GATC: variants seen among roughly 807,000 people sequenced by gnomAD.
GATC encodes glutamyl-tRNA amidotransferase subunit C.
A neutral mutation model predicts 14.4 loss-of-function variants in GATC; 11 were observed. The ratio of observed to expected loss-of-function variants is 0.77; its 90% CI spans 0.48 to 1.27. The LOEUF is 1.27. Among genes scored for constraint, GATC ranks in the 50% most tolerant of loss-of-function variants. The pLI is 0.00. For synonymous variants in GATC, 76 were observed against 79.3 expected (o/e 0.96, Z 0.22); for missense variants, 204 against 183.0 (o/e 1.11, Z -0.66).
intron 2 of GATC, among the ~76,000 whole-genome samples, chr12:120,451,741 C>CAAAA (rs565772661): frequency 1.3e-5 from 2 of 150,914 alleles, no homozygotes; most frequent in African/African-American, 4.9e-5. Flanking sequence ...GACTCCATCT[C>CAAAA]AAAAAAACAA....
In GATC at chr12:120,462,067, G is replaced by A; in HGVS notation, c.*2108G>A. 1.2e-6 allele frequency: 2 copies of A among 1,612,076 alleles called. No individual in the cohort carries two copies. The highest frequency in any genetic ancestry group is 1.7e-6 in the Non-Finnish European group (2 of 1,179,892). On this transcript the variant is annotated 3_prime_UTR_variant, in exon 4 of 4. Transcript: ENST00000551765. ...AGTAGTGTGGGGAACCCCTGCTTTG[G>A]TATGGAGAGTCACGGCCCCTTGACC...
intron 3 of GATC, among the ~76,000 whole-genome samples, chr12:120,457,602 CTTTT>C (rs3999474): frequency 1.1e-4 from 11 of 103,576 alleles, no homozygotes; most frequent in Admixed American, 3.2e-4. Context: ...TAAAAGAATC[CTTTT>C]TTTTTTTTTT....
chr12:120,446,574 G>A lies in GATC; in HGVS notation c.81+13G>A, dbSNP rs780014861. 23 of 1,594,592 alleles carry A rather than the reference G, an allele frequency of 1.4e-5. No individual in the cohort carries two copies. Among genetic ancestry groups the A allele is most frequent in the Non-Finnish European group, 1.6e-5 (19 of 1,170,398 alleles). ...GGCGGATCCTCAGGTAAAGGCCAGGGCCATCTAGGCGGGTGGCGGAGCAAG... is the reference window on the plus strand; with the variant it reads ...GGCGGATCCTCAGGTAAAGGCCAGGACCATCTAGGCGGGTGGCGGAGCAAG... On this transcript the variant is annotated intron_variant, in intron 1 of 3. Coordinates refer to ENST00000551765, the MANE Select transcript of GATC (RefSeq NM_176818.3).
At chr12:120,458,947 A>T (rs967366925) in intron 3 of GATC, among the ~76,000 whole-genome samples, 2 of 152,050 alleles carry the variant, frequency 1.3e-5, no homozygotes, top group Non-Finnish European at 2.9e-5. Context: ...TGCAAGCTCC[A>T]CCTTCCACGT....
At position 120,459,385 on chromosome 12, in the gene GATC, A is replaced by T. The variant is rs1363706296; in HGVS notation, c.359-522A>T. Among the ~76,000 whole-genome samples, 12 of 152,322 alleles carry T rather than the reference A, an allele frequency of 7.9e-5. No homozygotes were observed. In the East Asian group the frequency reaches 2.1e-3, roughly 27 times the overall value. ...TAGTCCTATCTGCATATTAGTGGCTAATCAACCTGTATACTCCTTACTGAA... is the reference window on the plus strand; with the variant it reads ...TAGTCCTATCTGCATATTAGTGGCTTATCAACCTGTATACTCCTTACTGAA... On this transcript the variant is annotated intron_variant, in intron 3 of 3. Coordinates refer to ENST00000551765, the MANE Select transcript of GATC (RefSeq NM_176818.3).
intron 2 of GATC, among the ~76,000 whole-genome samples, chr12:120,454,280 T>C (rs1317031604): frequency 6.6e-6 from 1 of 152,192 alleles, no homozygotes; most frequent in African/African-American, 2.4e-5. Flanking sequence ...TGGCTCAGCA[T>C]TATCAGATCT....
chr12:120,455,934 C>T (rs1353795396), intron 2 of GATC, among the ~76,000 whole-genome samples: 1 of 152,134 alleles, frequency 6.6e-6, no homozygotes, highest in Non-Finnish European at 1.5e-5. Context: ...GATCCGCCCA[C>T]CTCGGCCTCC....
chr12:120,447,055 TG>T (rs1268014191), intron 2 of GATC, among the ~76,000 whole-genome samples: 29 of 66,436 alleles, frequency 4.4e-4, no homozygotes, highest in African/African-American at 4.1e-3. Flanking sequence ...TCACTGCCTT[TG>T]TTTTTTTTTT....
Position 120,462,097 on chromosome 12 carries a change from C to G in GATC, c.*2138C>G. The stretch of plus-strand genomic sequence containing the variant: ...GAGAGTCACGGCCCCTTGACCCAGA[C>G]CGAGACCGTGAGTAGCCATAGCTGG... On this transcript the variant is annotated 3_prime_UTR_variant, in exon 4 of 4. Coordinates refer to ENST00000551765, the MANE Select transcript of GATC (RefSeq NM_176818.3). 6.2e-7 allele frequency: 1 copy of G among 1,612,412 alleles called. No homozygotes were observed. Among genetic ancestry groups the G allele is most frequent in the Non-Finnish European group, 8.5e-7 (1 of 1,179,928 alleles).
intron 2 of GATC, among the ~76,000 whole-genome samples, chr12:120,451,152 A>C (rs1440130958): frequency 1.4e-5 from 2 of 139,970 alleles, no homozygotes; most frequent in South Asian, 2.3e-4. Context: ...TCAAAAAAAA[A>C]AAAAAAAAGG....
intron 2 of GATC, among the ~76,000 whole-genome samples, chr12:120,452,742 T>A (rs1394294104): frequency 6.6e-6 from 1 of 152,064 alleles, no homozygotes; most frequent in Non-Finnish European, 1.5e-5. Context: ...TTGCCCAGGC[T>A]GCAGTGCAGT....
At chr12:120,450,617 C>A in intron 2 of GATC, 1 of 161,326 alleles carries the variant, frequency 6.2e-6, no homozygotes, top group South Asian at 1.7e-4. Context: ...AGCCTGGTAT[C>A]AATACACATA....
At chr12:120,459,845 AC>A in intron 3 of GATC, 61 bp from the exon 4 acceptor site, 1 of 1,345,990 alleles carries the variant, frequency 7.4e-7, no homozygotes, top group Admixed American at 1.7e-5. Flanking sequence ...CAACAGCGAG[AC>A]TCTGTCTCAA....
Position 120,446,758 on chromosome 12 carries a change from C to T in GATC, c.183C>T (p.Ile61=). The change falls in exon 2 of 4, where the codon ATC becomes ATT. Residue 61 remains isoleucine, a synonymous_variant. Coordinates refer to ENST00000551765, the MANE Select transcript of GATC (RefSeq NM_176818.3). ...CAGTGGCGCGACTGGAGAAAGCTAT[C>T]GCCTTCGCCGACCGGCTACGCGCCG... ...REAVARLEKA[I]AFADRLRAVD... 2.5e-6 allele frequency: 4 copies of T among 1,614,082 alleles called. No homozygotes were observed. The highest frequency in any genetic ancestry group is 3.4e-6 in the Non-Finnish European group (4 of 1,180,042).
At position 120,446,683 on chromosome 12, in the gene GATC, G is replaced by T; in HGVS notation, c.108G>T (p.Val36=). The T allele has an allele frequency of 6.2e-7, 1 of 1,613,310 alleles. No homozygotes were observed. The highest frequency in any genetic ancestry group is 1.1e-5 in the South Asian group (1 of 91,034). ...GCAGTGGCCGGATCACGGCTGCGGTGATCGAGCACCTGGAGCGTCTAGCGC... is the reference window on the plus strand; with the variant it reads ...GCAGTGGCCGGATCACGGCTGCGGTTATCGAGCACCTGGAGCGTCTAGCGC... ...PQGSGRITAA[V]IEHLERLALV... Residue 36 remains valine, a synonymous_variant, in exon 2 of 4, where the codon GTG becomes GTT. Transcript: ENST00000551765.
In GATC at chr12:120,460,068, T is replaced by A; in HGVS notation, c.*109T>A. On this transcript the variant is annotated 3_prime_UTR_variant, in exon 4 of 4. Transcript: ENST00000551765. ...TGCTTTTTTCAGTCCCCTGAAAAAA[T>A]GGATGCTCAAGCATTTCTTAATAAC... 1.3e-6 allele frequency: 1 copy of A among 785,740 alleles called. No individual in the cohort carries two copies. Among genetic ancestry groups the A allele is most frequent in the Admixed American group, 2.4e-5 (1 of 42,476 alleles). The allele number at this position is 785,740 out of a possible 1,614,324, so 48.7% of individuals were successfully genotyped here.
At chr12:120,450,058 G>A (rs1432928523) in intron 2 of GATC, among the ~76,000 whole-genome samples, 2 of 152,116 alleles carry the variant, frequency 1.3e-5, no homozygotes, top group South Asian at 2.1e-4. Flanking sequence ...CACCATGCCC[G>A]GTCCCAGTGT....
chr12:120,454,064 G>T (rs180899076), intron 2 of GATC, among the ~76,000 whole-genome samples: 23 of 152,276 alleles, frequency 1.5e-4, no homozygotes, highest in Admixed American at 7.8e-4. Context: ...GTTGCTATTA[G>T]ATCTACTCTT....
In GATC at chr12:120,462,794, A is replaced by G. The variant is rs1052028641; in HGVS notation, c.*2835A>G. On this transcript the variant is annotated 3_prime_UTR_variant, in exon 4 of 4. Coordinates refer to ENST00000551765, the MANE Select transcript of GATC (RefSeq NM_176818.3). ...GTCCCCAGGCCCTCTGCCTTCAGCCACCATTCTCAGAAGATCCAAAGATGC... is the reference window on the plus strand; with the variant it reads ...GTCCCCAGGCCCTCTGCCTTCAGCCGCCATTCTCAGAAGATCCAAAGATGC... 1.4e-4 allele frequency: 22 copies of G among 152,242 alleles called. No individual in the cohort carries two copies. The highest frequency in any genetic ancestry group is 1.2e-3 in the Admixed American group (19 of 15,272). 9.4% of individuals were successfully genotyped at this position (152,242 alleles called of 1,614,324 possible).
Sources: allele counts gnomAD v4.1 joint callset (sites outside exome capture counted in the v4.1 genomes callset), GRCh38; gene constraint gnomAD v4.1.1; transcripts MANE v1.5; gene names NCBI Gene and HGNC (gene_info 2026-07-23, HGNC 2026-07-21).